RBFOX1: variants seen among roughly 807,000 people sequenced by gnomAD.
The protein encoded by RBFOX1 is RNA binding protein fox-1 homolog 1.
Under a neutral mutation model 57.7 loss-of-function variants are expected in RBFOX1, and 8 were observed. The ratio of observed to expected loss-of-function variants is 0.14; its 90% confidence interval spans 0.08 to 0.25. The LOEUF is 0.25. Among genes scored for constraint, RBFOX1 ranks in the 10% least tolerant of loss-of-function variants. RBFOX1 has a pLI of 1.00. For missense variants in RBFOX1, 611 were observed against 548.5 expected (o/e 1.11, Z -1.14); for synonymous variants, 326 against 222.4 (o/e 1.47, Z -4.15).
intron 13 of RBFOX1, among the ~76,000 whole-genome samples, chr16:7,676,120 C>T (rs2073195407): frequency 6.6e-6 from 1 of 152,112 alleles, no homozygotes; most frequent in South Asian, 2.1e-4. Context: ...ATCATATTTT[C>T]CACACCAAAC....
intron 10 of RBFOX1, 70 bp downstream of exon 10, chr16:7,607,408 T>A: frequency 7.1e-7 from 1 of 1,416,322 alleles, no homozygotes; most frequent in Non-Finnish European, 9.8e-7. Flanking sequence ...CAAGAATGAA[T>A]GAGTTTTGTA....
chr16:7,047,042 A>G (rs910224078), intron 3 of RBFOX1, among the ~76,000 whole-genome samples: 2 of 125,680 alleles, frequency 1.6e-5, no homozygotes, highest in African/African-American at 3.0e-5. Context: ...TCTTCATGCA[A>G]TTTCCTTTTT....
At chr16:6,216,826 A>C (rs2097338698) in intron 1 of RBFOX1, among the ~76,000 whole-genome samples, 1 of 152,156 alleles carries the variant, frequency 6.6e-6, no homozygotes, top group African/African-American at 2.4e-5. Context: ...TTTAAAATGC[A>C]GCTTCACTTG....
chr16:6,579,000 T>G (rs2097491222), intron 2 of RBFOX1, among the ~76,000 whole-genome samples: 1 of 151,932 alleles, frequency 6.6e-6, no homozygotes, highest in Non-Finnish European at 1.5e-5. Flanking sequence ...AAGCACTTAT[T>G]TATGTAACCA....
intron 4 of RBFOX1, among the ~76,000 whole-genome samples, chr16:5,878,387 T>A (rs1317709385): frequency 6.6e-6 from 1 of 152,190 alleles, no homozygotes; most frequent in Non-Finnish European, 1.5e-5. Flanking sequence ...GTAGACTTCA[T>A]TTAACAGATG....
chr16:6,906,686 C>A (rs12444752), intron 3 of RBFOX1, among the ~76,000 whole-genome samples: 42,030 of 151,058 alleles, frequency 0.28, 6,022 homozygotes, highest in East Asian at 0.43. Context: ...GAGCCTAGTT[C>A]AGAGCAGACT....
At chr16:6,021,274 C>G (rs182072073) in intron 1 of RBFOX1, among the ~76,000 whole-genome samples, 2 of 152,098 alleles carry the variant, frequency 1.3e-5, no homozygotes, top group Non-Finnish European at 1.5e-5. Context: ...TTAGGACATG[C>G]CCCAGCCTGC....
intron 4 of RBFOX1, among the ~76,000 whole-genome samples, chr16:7,141,292 A>G (rs1296692825): frequency 6.6e-6 from 1 of 152,178 alleles, no homozygotes; most frequent in Non-Finnish European, 1.5e-5. Flanking sequence ...CCCAATATTT[A>G]TTCATTATTC....
chr16:7,038,937 C>T (rs995581512), intron 3 of RBFOX1, among the ~76,000 whole-genome samples: 4 of 152,168 alleles, frequency 2.6e-5, no homozygotes, highest in Admixed American at 2.0e-4. Context: ...CCTCTGACAT[C>T]CCTTTAATCA....
chr16:7,486,561 A>G (rs944413187), intron 4 of RBFOX1, among the ~76,000 whole-genome samples: 6 of 152,154 alleles, frequency 3.9e-5, no homozygotes, highest in African/African-American at 1.4e-4. Context: ...TCTCCCCTGT[A>G]GAGTGGCTTG....
intron 3 of RBFOX1, among the ~76,000 whole-genome samples, chr16:7,039,602 A>G (rs1378755725): frequency 2.0e-5 from 3 of 152,082 alleles, no homozygotes; most frequent in African/African-American, 4.8e-5. Context: ...CTTCCTTGTG[A>G]CAAAAAGTAA....
intron 3 of RBFOX1, among the ~76,000 whole-genome samples, chr16:6,975,424 C>A (rs537612459): frequency 6.6e-6 from 1 of 152,112 alleles, no homozygotes; most frequent in Non-Finnish European, 1.5e-5. Context: ...TACCACCATA[C>A]CCAGTTAATT....
intron 3 of RBFOX1, among the ~76,000 whole-genome samples, chr16:6,955,776 G>A (rs916757653): frequency 6.6e-6 from 1 of 151,898 alleles, no homozygotes; most frequent in African/African-American, 2.4e-5. Context: ...CTATCTTGGG[G>A]CTCACTGCAA....
intron 3 of RBFOX1, among the ~76,000 whole-genome samples, chr16:6,852,044 G>C (rs1034933073): frequency 1.3e-5 from 2 of 151,522 alleles, no homozygotes; most frequent in East Asian, 3.9e-4. Context: ...TCCTGACTCA[G>C]TCTCTTGAGT....
At chr16:7,314,839 T>G (rs1043320634) in intron 4 of RBFOX1, among the ~76,000 whole-genome samples, 2 of 152,192 alleles carry the variant, frequency 1.3e-5, no homozygotes, top group African/African-American at 4.8e-5. Context: ...TTTGAGCCTT[T>G]TAAAAATGAT....
chr16:5,599,186 A>G (rs17138179), exon 3 of RBFOX1: 90,931 of 704,168 alleles, frequency 0.13, 7,558 homozygotes, highest in East Asian at 0.33. Flanking sequence ...TGAGAGCTGT[A>G]TTCTGTCCTC....
At chr16:6,137,685 C>G (rs1161155459) in intron 1 of RBFOX1, among the ~76,000 whole-genome samples, 2 of 141,374 alleles carry the variant, frequency 1.4e-5, no homozygotes, top group African/African-American at 5.5e-5. Context: ...ACAATCATGG[C>G]TTACTACAGC....
At chr16:6,228,098 G>A (rs1464927877) in intron 1 of RBFOX1, among the ~76,000 whole-genome samples, 1 of 152,070 alleles carries the variant, frequency 6.6e-6, no homozygotes, top group Admixed American at 6.6e-5. Context: ...ATCACTTGAG[G>A]TCAGGAGTTC....
chr16:6,820,791 C>T (rs116886630), intron 3 of RBFOX1, among the ~76,000 whole-genome samples: 296 of 152,290 alleles, frequency 1.9e-3, no homozygotes, highest in Non-Finnish European at 3.5e-3. Flanking sequence ...TGCAAAAGGC[C>T]TGTGAATGAG....
Sources: allele counts gnomAD v4.1 joint callset (sites outside exome capture counted in the v4.1 genomes callset), GRCh38; gene constraint gnomAD v4.1.1; transcripts MANE v1.5; gene names NCBI Gene and HGNC (gene_info 2026-07-23, HGNC 2026-07-21).